Variants in NCAM2 observed in about 807,000 individuals in gnomAD.
NCAM2 encodes the protein N-CAM-2.
A neutral mutation model predicts 98.1 loss-of-function variants in NCAM2; 30 were observed. The ratio of observed to expected loss-of-function variants is 0.31; its 90% CI spans 0.23 to 0.41. The LOEUF (loss-of-function observed/expected upper bound fraction) is 0.41. Among genes scored for constraint, NCAM2 ranks in the 10% least tolerant of loss-of-function variants. The pLI, the probability that NCAM2 is intolerant of heterozygous loss-of-function variation, is 1.00. For missense variants in NCAM2, 867 were observed against 1,005.8 expected, an observed-to-expected ratio of 0.86 and a Z score of 1.87; for synonymous variants, 368 against 342.4, an observed-to-expected ratio of 1.07 and a Z score of -0.83.
intron 10 of NCAM2, among the ~76,000 whole-genome samples, chr21:21,410,794 G>A (rs2076841300): frequency 6.6e-6 from 1 of 150,924 alleles, no homozygotes; most frequent in South Asian, 2.1e-4. Flanking sequence ...AGATCACAAG[G>A]TCAGGAGACT....
chr21:21,060,543 G>A (rs2065300391), intron 1 of NCAM2, among the ~76,000 whole-genome samples: 1 of 152,002 alleles, frequency 6.6e-6, no homozygotes, highest in Non-Finnish European at 1.5e-5. Context: ...AAGTTTTCAA[G>A]ACATATGGGA....
At chr21:21,249,572 T>G (rs2071402473) in intron 1 of NCAM2, among the ~76,000 whole-genome samples, 1 of 152,242 alleles carries the variant, frequency 6.6e-6, no homozygotes, top group Non-Finnish European at 1.5e-5. Flanking sequence ...ACATTTTCTT[T>G]GTTTCCTGAC....
At chr21:21,174,735 TA>T (rs200746742) in intron 1 of NCAM2, among the ~76,000 whole-genome samples, 80 of 150,708 alleles carry the variant, frequency 5.3e-4, no homozygotes, top group Middle Eastern at 3.4e-3. Flanking sequence ...GACAGGAAAT[TA>T]AAAAAAAATA....
At chr21:21,116,835 A>G (rs1601411936) in intron 1 of NCAM2, among the ~76,000 whole-genome samples, 3 of 152,038 alleles carry the variant, frequency 2.0e-5, no homozygotes, top group South Asian at 2.1e-4. Context: ...AGCCTGGGCG[A>G]CAGAGCCAGA....
chr21:21,253,186 C>G (rs1297819776), intron 1 of NCAM2, among the ~76,000 whole-genome samples: 1 of 152,180 alleles, frequency 6.6e-6, no homozygotes, highest in Non-Finnish European at 1.5e-5. Flanking sequence ...CTCTCACATT[C>G]TTTCCTGAAT....
Position 21,270,243 on chromosome 21 carries a change from G to A in NCAM2, c.56-10335G>A, listed in dbSNP as rs573403090. Among the ~76,000 whole-genome samples the A allele has an allele frequency of 4.1e-4, 63 of 152,174 alleles. No individual in the cohort carries two copies. In the South Asian group the frequency reaches 0.013, roughly 31 times the overall value. On this transcript the variant is annotated intron_variant, in intron 1 of 17. Transcript: ENST00000400546. The stretch of plus-strand genomic sequence containing the variant: ...AATTTGGGATTAGCTGCCTCTTCAA[G>A]ATATTTTAGTTTTAATTAAATATCA...
At chr21:21,394,468 G>GTTTTTTTT (rs2076452804) in intron 9 of NCAM2, among the ~76,000 whole-genome samples, 2 of 75,826 alleles carry the variant, frequency 2.6e-5, no homozygotes, top group African/African-American at 5.3e-5. Context: ...TAAGGGGCCA[G>GTTTTTTTT]CTTTTTTTTT....
intron 1 of NCAM2, among the ~76,000 whole-genome samples, chr21:21,009,539 A>C (rs189917895): frequency 1.4e-3 from 210 of 152,102 alleles, no homozygotes; most frequent in African/African-American, 4.9e-3. Flanking sequence ...TGGGGTCTCA[A>C]AACTGTTCAA....
At chr21:21,023,661 A>T (rs144791373) in intron 1 of NCAM2, among the ~76,000 whole-genome samples, 43 of 152,262 alleles carry the variant, frequency 2.8e-4, no homozygotes, top group African/African-American at 1.0e-3. Flanking sequence ...TAATAGTATT[A>T]TTTTAAATTA....
intron 8 of NCAM2, among the ~76,000 whole-genome samples, chr21:21,340,505 TA>T (rs2074996842): frequency 6.6e-6 from 1 of 151,972 alleles, no homozygotes; most frequent in Non-Finnish European, 1.5e-5. Flanking sequence ...AGGAGTATAT[TA>T]AAAAACACAT....
At chr21:21,160,393 C>T (rs1006626289) in intron 1 of NCAM2, among the ~76,000 whole-genome samples, 4 of 151,776 alleles carry the variant, frequency 2.6e-5, no homozygotes, top group Non-Finnish European at 5.9e-5. Context: ...AAGAATTTTA[C>T]CAATTAGATT....
chr21:21,354,884 G>A (rs746904917), intron 8 of NCAM2, among the ~76,000 whole-genome samples: 2 of 152,124 alleles, frequency 1.3e-5, no homozygotes, highest in Admixed American at 6.6e-5. Flanking sequence ...TAAAACAGCG[G>A]GATAAGCTTT....
chr21:21,008,168 T>TA (rs11381759), intron 1 of NCAM2, among the ~76,000 whole-genome samples: 86,077 of 151,858 alleles, frequency 0.57, 24,875 homozygotes, highest in East Asian at 0.82. Flanking sequence ...TGCTTTTGAT[T>TA]AAAAAAATTA....
intron 8 of NCAM2, among the ~76,000 whole-genome samples, chr21:21,342,922 A>T (rs2075083649): frequency 6.6e-6 from 1 of 152,126 alleles, no homozygotes; most frequent in Admixed American, 6.6e-5. Context: ...TCACACAGGG[A>T]GTAAGTGGCA....
At chr21:21,530,217 AATTT>A (rs1989574909) in intron 16 of NCAM2, among the ~76,000 whole-genome samples, 1 of 94,870 alleles carries the variant, frequency 1.1e-5, no homozygotes, top group Non-Finnish European at 2.4e-5. Context: ...AATTTAATTT[AATTT>A]AATTATATAT....
At chr21:21,487,876 A>G (rs1258144172) in intron 15 of NCAM2, among the ~76,000 whole-genome samples, 4 of 152,012 alleles carry the variant, frequency 2.6e-5, no homozygotes, top group African/African-American at 4.8e-5. Context: ...ACGTGGAAAA[A>G]CCTTAGGTGA....
chr21:21,159,746 ACTCTCTCTCTCC>A (rs1177219313), intron 1 of NCAM2, among the ~76,000 whole-genome samples: 1 of 149,522 alleles, frequency 6.7e-6, no homozygotes, highest in Admixed American at 6.7e-5. Context: ...AACACATGAT[ACTCTCTCTCTCC>A]CTCTCTCTCT....
At chr21:21,000,515 G>C (rs1475742295) in intron 1 of NCAM2, among the ~76,000 whole-genome samples, 1 of 152,052 alleles carries the variant, frequency 6.6e-6, no homozygotes. Flanking sequence ...ATGTAACATA[G>C]ATGTGAAATT....
chr21:21,356,190 T>A (rs942472060), intron 8 of NCAM2, among the ~76,000 whole-genome samples: 1 of 152,194 alleles, frequency 6.6e-6, no homozygotes, highest in African/African-American at 2.4e-5. Flanking sequence ...TTTAAACTTA[T>A]AACAATTTAA....
Sources: allele counts gnomAD v4.1 joint callset (sites outside exome capture counted in the v4.1 genomes callset), GRCh38; gene constraint gnomAD v4.1.1; transcripts MANE v1.5; gene names NCBI Gene and HGNC (gene_info 2026-07-23, HGNC 2026-07-21).